CHRM2: variants seen among roughly 807,000 people sequenced by gnomAD.
CHRM2 encodes muscarinic acetylcholine receptor M2.
Under a neutral mutation model 25.0 loss-of-function variants are expected in CHRM2, and 8 were observed. That is an observed-to-expected ratio of 0.32 (90% confidence interval 0.19 to 0.58). CHRM2 has a LOEUF of 0.58. Ranked by LOEUF, CHRM2 falls within the 20% of genes least tolerant of loss-of-function variation. The probability of loss-of-function intolerance (pLI) is 0.88; values close to 1 mark genes in which losing one functional copy is unlikely to be tolerated. For synonymous variants in CHRM2, 202 were observed against 205.7 expected, an observed-to-expected ratio of 0.98 and a Z score of 0.15; for missense variants, 440 against 567.1, an observed-to-expected ratio of 0.78 and a Z score of 2.28.
At chr7:136,926,079 A>G (rs1396678304) in intron 2 of CHRM2, among the ~76,000 whole-genome samples, 2 of 152,088 alleles carry the variant, frequency 1.3e-5, no homozygotes, top group Admixed American at 6.6e-5. Context: ...TCTACTAAAA[A>G]TACAAAAAAT....
At chr7:136,984,052 C>G (rs903162957) in intron 2 of CHRM2, among the ~76,000 whole-genome samples, 3 of 152,176 alleles carry the variant, frequency 2.0e-5, no homozygotes, top group Middle Eastern at 3.2e-3. Context: ...TGCCCCTCCC[C>G]CAAGGTTCTC....
chr7:136,939,670 C>T (rs1300408051), intron 2 of CHRM2, among the ~76,000 whole-genome samples: 1 of 152,134 alleles, frequency 6.6e-6, no homozygotes, highest in Non-Finnish European at 1.5e-5. Flanking sequence ...GTGGGACTTA[C>T]TCTGTTTTTC....
intron 2 of CHRM2, among the ~76,000 whole-genome samples, chr7:136,961,783 GAGA>G (rs992619355): frequency 7.2e-5 from 11 of 152,034 alleles, no homozygotes; most frequent in Non-Finnish European, 1.3e-4. Context: ...GAGAGAAAGG[GAGA>G]AGGAAAGGAA....
intron 2 of CHRM2, among the ~76,000 whole-genome samples, chr7:136,883,657 C>T (rs1029745845): frequency 1.3e-5 from 2 of 152,066 alleles, no homozygotes; most frequent in Non-Finnish European, 2.9e-5. Flanking sequence ...TATAAAAACT[C>T]TTTCTTTGTT....
chr7:136,971,334 G>A (rs532410333), intron 2 of CHRM2, among the ~76,000 whole-genome samples: 4 of 152,200 alleles, frequency 2.6e-5, no homozygotes, highest in African/African-American at 7.2e-5. Flanking sequence ...CACTAGTTCA[G>A]TAAGTTTAAA....
At chr7:136,956,177 CA>C (rs1212542062) in intron 2 of CHRM2, among the ~76,000 whole-genome samples, 1 of 152,018 alleles carries the variant, frequency 6.6e-6, no homozygotes, top group African/African-American at 2.4e-5. Context: ...ACAAGACAAA[CA>C]AGGTGATCTC....
In CHRM2 at chr7:137,015,752, TGA is replaced by T; in HGVS notation, c.892_893del (p.Asp298Ter). On this transcript the variant is annotated frameshift_variant, in exon 4 of 4. Coordinates refer to ENST00000680005, the MANE Select transcript of CHRM2 (RefSeq NM_001006630.2). LOFTEE classifies it high-confidence loss of function. This position sits in a 1 kb window ranked among gnomAD's most constrained non-coding sequence, Gnocchi z 5.1. ...TCAGTCAGTGCTGTTGCCTCTAATA[TGA>T]GAGATGATGAAATAACCCAGGATGA... 1 of 1,613,114 alleles carries T rather than the reference TGA, an allele frequency of 6.2e-7. No homozygotes were observed. Among genetic ancestry groups the T allele is most frequent in the Non-Finnish European group, 8.5e-7 (1 of 1,179,490 alleles).
chr7:136,875,332 CA>C (rs1323440658), intron 2 of CHRM2, among the ~76,000 whole-genome samples: 1 of 152,058 alleles, frequency 6.6e-6, no homozygotes, highest in South Asian at 2.1e-4. Flanking sequence ...TCAAGCTGCA[CA>C]TTTTTATTAA....
At chr7:137,009,944 T>C (rs371389246) in intron 3 of CHRM2, among the ~76,000 whole-genome samples, 35 of 152,076 alleles carry the variant, frequency 2.3e-4, no homozygotes, top group African/African-American at 7.2e-4. Context: ...CACATACACA[T>C]ACACATAATT....
Position 136,950,506 on chromosome 7 carries a change from T to C in CHRM2, c.-124-41681T>C, listed in dbSNP as rs575818310. ...CCAGGAAATGGATGGTGCCTGAGGCTTTCCCACATCTGTGAAGGAATTTAG... is the reference window on the plus strand; with the variant it reads ...CCAGGAAATGGATGGTGCCTGAGGCCTTCCCACATCTGTGAAGGAATTTAG... On this transcript the variant is annotated intron_variant, in intron 2 of 3. Coordinates refer to ENST00000680005, the MANE Select transcript of CHRM2 (RefSeq NM_001006630.2). Among the ~76,000 whole-genome samples the C allele has an allele frequency of 5.9e-5, 9 of 152,266 alleles. No homozygotes were observed. The South Asian group carries it at 1.9e-3, about 32-fold the overall frequency.
chr7:136,970,573 T>A (rs191154258), intron 2 of CHRM2, among the ~76,000 whole-genome samples: 1 of 152,328 alleles, frequency 6.6e-6, no homozygotes, highest in East Asian at 1.9e-4. Context: ...TGTCTTGGAC[T>A]TCTTTATACT....
chr7:137,009,400 A>T (rs2131103103), intron 3 of CHRM2, among the ~76,000 whole-genome samples: 1 of 152,210 alleles, frequency 6.6e-6, no homozygotes, highest in Middle Eastern at 3.4e-3. Flanking sequence ...ATTTTAAGAC[A>T]ATTTTTTGAA....
intron 3 of CHRM2, among the ~76,000 whole-genome samples, chr7:136,994,499 C>T (rs1433137191): frequency 8.0e-6 from 1 of 125,448 alleles, no homozygotes; most frequent in East Asian, 2.2e-4. Context: ...TTCTATAGTG[C>T]TTTCTGCTCT....
At chr7:136,883,138 T>C (rs1355998542) in intron 2 of CHRM2, among the ~76,000 whole-genome samples, 1 of 152,122 alleles carries the variant, frequency 6.6e-6, no homozygotes, top group Non-Finnish European at 1.5e-5. Flanking sequence ...TCCCTCCTAA[T>C]AGCACTACTT....
At chr7:136,916,978 C>T (rs1032837812) in intron 2 of CHRM2, among the ~76,000 whole-genome samples, 2 of 151,692 alleles carry the variant, frequency 1.3e-5, no homozygotes, top group Admixed American at 6.6e-5. Context: ...TTATTTATTA[C>T]TTCTTCCCTA....
At chr7:136,885,209 G>A (rs1426798382) in intron 2 of CHRM2, among the ~76,000 whole-genome samples, 1 of 152,168 alleles carries the variant, frequency 6.6e-6, no homozygotes, top group Non-Finnish European at 1.5e-5. Context: ...CTTAGCAATG[G>A]ACCAAAGAGA....
intron 2 of CHRM2, among the ~76,000 whole-genome samples, chr7:136,986,332 C>G (rs1218104860): frequency 1.3e-5 from 2 of 152,052 alleles, no homozygotes; most frequent in South Asian, 4.1e-4. Flanking sequence ...ATTAAATTAT[C>G]TATATTAGTA....
chr7:136,975,122 G>C (rs1802027398), intron 2 of CHRM2, among the ~76,000 whole-genome samples: 1 of 152,146 alleles, frequency 6.6e-6, no homozygotes, highest in Non-Finnish European at 1.5e-5. Context: ...AAGCTCATAG[G>C]AGTGGACAAT....
intron 2 of CHRM2, among the ~76,000 whole-genome samples, chr7:136,964,182 C>CA (rs1263454880): frequency 3.3e-5 from 5 of 150,540 alleles, no homozygotes; most frequent in African/African-American, 4.9e-5. Flanking sequence ...ATATAATTTT[C>CA]AAAAAAAATT....
Sources: gnomAD v4.1 joint callset for allele counts (sites outside exome capture counted in the v4.1 genomes callset) on GRCh38, gnomAD v4.1.1 for gene constraint, Gnocchi (gnomAD v3.1) non-coding constraint, MANE v1.5 for transcripts, NCBI Gene and HGNC (gene_info 2026-07-23, HGNC 2026-07-21) for gene names.